The following CCDC66 variants were observed in gnomAD, a reference collection of about 807,000 sequenced individuals.
CCDC66 encodes coiled-coil domain containing 66.
CCDC66 carries 133 observed loss-of-function variants against 128.3 expected under a neutral mutation model. That is an observed-to-expected ratio of 1.04 (90% confidence interval 0.90 to 1.20). The LOEUF is 1.20. CCDC66 is among the 50% of genes most tolerant of loss of function. The pLI is 0.00. For synonymous variants in CCDC66, 387 were observed against 357.0 expected, an observed-to-expected ratio of 1.08 and a Z score of -0.95; for missense variants, 1,126 against 1,075.5, an observed-to-expected ratio of 1.05 and a Z score of -0.66.
At chr3:56,578,081 C>T in intron 7 of CCDC66, among the ~76,000 whole-genome samples, 1 of 151,636 alleles carries the variant, frequency 6.6e-6, no homozygotes, top group East Asian at 2.0e-4. Flanking sequence ...TGTTTGTGTC[C>T]TCTTTTATTT....
chr3:56,568,060 C>T (rs4974223), intron 6 of CCDC66, among the ~76,000 whole-genome samples: 125,658 of 152,064 alleles, frequency 0.83, 52,559 homozygotes, highest in Non-Finnish European at 0.91. Flanking sequence ...CAAATGTTTC[C>T]TTCAGACCTT....
intron 10 of CCDC66, among the ~76,000 whole-genome samples, chr3:56,608,344 T>G (rs1341123484): frequency 6.6e-6 from 1 of 152,196 alleles, no homozygotes; most frequent in Non-Finnish European, 1.5e-5. Flanking sequence ...TAATTCTGAT[T>G]TAAGCTAGGA....
At chr3:56,590,573 C>G (rs2070699197) in intron 7 of CCDC66, among the ~76,000 whole-genome samples, 1 of 151,832 alleles carries the variant, frequency 6.6e-6, no homozygotes, top group African/African-American at 2.4e-5. Flanking sequence ...TCCTGGGCAA[C>G]AACATGATAA....
At chr3:56,565,145 G>C (rs768452163) in intron 4 of CCDC66, 33 of 427,806 alleles carry the variant, frequency 7.7e-5, no homozygotes, top group South Asian at 5.0e-4. Flanking sequence ...TGGGCATAGA[G>C]ACAATTCATG....
At chr3:56,594,425 G>A (rs529568722) in intron 10 of CCDC66, among the ~76,000 whole-genome samples, 3 of 152,052 alleles carry the variant, frequency 2.0e-5, no homozygotes, top group South Asian at 2.1e-4. Context: ...GGTGGCTCAC[G>A]CCTGTAATCC....
Position 56,619,806 on chromosome 3 carries a change from T to G in CCDC66, c.2665T>G (p.Ser889Ala), listed in dbSNP as rs760972644. 1 of 1,614,148 alleles carries G rather than the reference T, an allele frequency of 6.2e-7. No homozygotes were observed. Reference sequence around the variant, plus strand: ...TGGCCAAAAACGACAGCTATTTGATTCTGACTGTGTCAGGGATCCACTTCT... The same window carrying G: ...TGGCCAAAAACGACAGCTATTTGATGCTGACTGTGTCAGGGATCCACTTCT... ...DCGQKRQLFD[S>A]DCVRDPLLNP... The change falls in exon 17 of 18, where the codon TCT (serine) becomes GCT (alanine). Residue 889 changes from serine (S) to alanine (A), a missense_variant. By Grantham distance (99) the Ser-to-Ala change is moderately conservative (BLOSUM62 1). Transcript: ENST00000394672.
At chr3:56,563,588 A>G in intron 3 of CCDC66, 96 bp from the exon 4 acceptor site, 2 of 991,880 alleles carry the variant, frequency 2.0e-6, no homozygotes, top group Non-Finnish European at 2.9e-6. Context: ...CAAAATGGAA[A>G]AAAGTTTAGA....
chr3:56,620,567 C>T (rs974421704), intron 17 of CCDC66: 19 of 152,228 alleles, frequency 1.2e-4, no homozygotes, highest in Non-Finnish European at 2.9e-5. Context: ...ATACCCTCTG[C>T]ATTTCAAAAT....
At chr3:56,593,446 G>T in intron 8 of CCDC66, 45 bp from the exon 9 acceptor site, 1 of 1,592,502 alleles carries the variant, frequency 6.3e-7, no homozygotes, top group Non-Finnish European at 8.6e-7. Context: ...TTATATATGA[G>T]AATAATTGGA....
At chr3:56,588,831 G>A (rs115312980) in intron 7 of CCDC66, among the ~76,000 whole-genome samples, 93 of 152,300 alleles carry the variant, frequency 6.1e-4, no homozygotes, top group African/African-American at 1.7e-3. Flanking sequence ...TTAACTGAGT[G>A]ATAATGAAAA....
chr3:56,596,636 C>T (rs1223739427), intron 10 of CCDC66, among the ~76,000 whole-genome samples: 2 of 151,796 alleles, frequency 1.3e-5, no homozygotes, highest in African/African-American at 4.9e-5. Flanking sequence ...TGTTTTTGGT[C>T]CCTGTGTTTT....
Position 56,621,752 on chromosome 3 carries a change from A to C in CCDC66, c.*134A>C. Reference sequence around the variant, plus strand: ...AATGCTCATTAAAAACTTGTATACTATGTAGTAAAATGCTGTACTTGTTCT... The same window carrying C: ...AATGCTCATTAAAAACTTGTATACTCTGTAGTAAAATGCTGTACTTGTTCT... On this transcript the variant is annotated 3_prime_UTR_variant, in exon 18 of 18. Coordinates refer to ENST00000394672, the MANE Select transcript of CCDC66 (RefSeq NM_001141947.3). 2.4e-6 allele frequency: 1 copy of C among 408,600 alleles called. No individual in the cohort carries two copies. Among genetic ancestry groups the C allele is most frequent in the Non-Finnish European group, 4.4e-6 (1 of 225,822 alleles). The allele number at this position is 408,600 out of a possible 1,614,324, so 25.3% of individuals were successfully genotyped here. A position where few individuals can be genotyped will look rare whatever the true frequency, so the allele number is the denominator to read the frequency against.
rs928413392 is a variant in CCDC66 at position 56,571,090 on chromosome 3, G to C, written c.815-91G>C. ...AAAAAAGAGTTTTGATTAGATCTGT[G>C]TTGGTATCTGCATTAAGAAGGTCAG... is the stretch of plus-strand genomic sequence containing the variant. On this transcript the variant is annotated intron_variant, in intron 6 of 17. Transcript: ENST00000394672. 31 of 895,626 alleles carry C rather than the reference G, an allele frequency of 3.5e-5. 1 individual carries two copies. Among genetic ancestry groups the C allele is most frequent in the Non-Finnish European group, 4.5e-5 (27 of 600,420 alleles). The allele number at this position is 895,626 out of a possible 1,614,324, so 55.5% of individuals were successfully genotyped here. A position where few individuals can be genotyped will look rare whatever the true frequency, so the allele number is the denominator to read the frequency against.
chr3:56,593,638 A>T lies in CCDC66; in HGVS notation c.1216A>T (p.Ser406Cys). ...PDTQELADVS[S>C]VCTPTTGSQV... Reference sequence around the variant, plus strand: ...CACTCAGGAGCTGGCTGATGTCAGCAGTGTTTGTACACCTACAACCGGAAG... The same window carrying T: ...CACTCAGGAGCTGGCTGATGTCAGCTGTGTTTGTACACCTACAACCGGAAG... The change falls in exon 9 of 18, where the codon AGT becomes TGT. Residue 406 changes from serine (S) to cysteine (C), a missense_variant. Coordinates refer to ENST00000394672, the MANE Select transcript of CCDC66 (RefSeq NM_001141947.3). 6.2e-7 allele frequency: 1 copy of T among 1,614,212 alleles called. No homozygotes were observed. Among genetic ancestry groups the T allele is most frequent in the Non-Finnish European group, 8.5e-7 (1 of 1,180,034 alleles).
Position 56,619,884 on chromosome 3 carries a change from C to CT in CCDC66, c.2746dup (p.Ser916PhefsTer17). ...TCGACAGCAAGCAATCCTTAAGGGA[C>CT]TTTCAGAACTGAGACAGGTATGAGC... is the stretch of plus-strand genomic sequence containing the variant. On this transcript the variant is annotated frameshift_variant, in exon 17 of 18. Coordinates refer to ENST00000394672, the MANE Select transcript of CCDC66 (RefSeq NM_001141947.3). LOFTEE classifies it high-confidence loss of function. The CT allele has an allele frequency of 6.2e-7, 1 of 1,613,924 alleles. No homozygotes were observed. The highest frequency in any genetic ancestry group is 8.5e-7 in the Non-Finnish European group (1 of 1,179,896).
chr3:56,596,577 T>C (rs2071968719), intron 10 of CCDC66, among the ~76,000 whole-genome samples: 3 of 148,576 alleles, frequency 2.0e-5, no homozygotes, highest in African/African-American at 7.4e-5. Context: ...CTGGTTATTG[T>C]TTCCTTTCCC....
At position 56,564,053 on chromosome 3, in the gene CCDC66, C is replaced by T; in HGVS notation, c.472C>T (p.Gln158Ter). ...SLVCLTQDQL[Q>*]QILMTVNQGN... ...GGTGTGTCTAACACAAGACCAACTA[C>T]AACAGATTTTGATGACTGTAAACCA... The change falls in exon 4 of 18, where the codon CAA becomes TAA. Residue 158 changes from glutamine (Q) to a stop codon, truncating the protein, a stop_gained. Coordinates refer to ENST00000394672, the MANE Select transcript of CCDC66 (RefSeq NM_001141947.3). LOFTEE classifies it high-confidence loss of function. 6.2e-7 allele frequency: 1 copy of T among 1,613,950 alleles called. No homozygotes were observed.
At chr3:56,567,289 C>T (rs2065984668) in intron 6 of CCDC66, among the ~76,000 whole-genome samples, 1 of 152,176 alleles carries the variant, frequency 6.6e-6, no homozygotes, top group Non-Finnish European at 1.5e-5. Context: ...ACTCGGGAGG[C>T]TGAGGCAGGA....
intron 15 of CCDC66, chr3:56,618,426 A>G (rs1446440452): frequency 4.2e-6 from 2 of 477,794 alleles, no homozygotes; most frequent in Non-Finnish European, 7.5e-6. Flanking sequence ...AGGAATGTAG[A>G]TAACATTTAC....
Sources: allele counts gnomAD v4.1 joint callset (sites outside exome capture counted in the v4.1 genomes callset), GRCh38; gene constraint gnomAD v4.1.1; transcripts MANE v1.5; gene names NCBI Gene and HGNC (gene_info 2026-07-23, HGNC 2026-07-21).